AIDA: variants seen among roughly 807,000 people sequenced by gnomAD.
The protein encoded by AIDA is axin interactor, dorsalization associated, also known as axin interactor, dorsalization-associated protein.
AIDA carries 18 observed loss-of-function variants against 42.7 expected under a neutral mutation model. That is an observed-to-expected ratio of 0.42 (90% CI 0.29 to 0.63). The LOEUF is 0.63. AIDA is among the 20% of genes least tolerant of loss of function. The pLI, the probability that AIDA is intolerant of heterozygous loss-of-function variation, is 0.19. For missense variants in AIDA, 250 were observed against 354.1 expected (o/e 0.71, Z 2.36); for synonymous variants, 104 against 122.9 (o/e 0.85, Z 1.02).
At chr1:222,684,003 G>A (rs540578421) in intron 6 of AIDA, among the ~76,000 whole-genome samples, 43 of 151,924 alleles carry the variant, frequency 2.8e-4, no homozygotes, top group South Asian at 2.3e-3. Context: ...TGGTCATTCC[G>A]TATCTACATA....
intron 2 of AIDA, among the ~76,000 whole-genome samples, chr1:222,695,753 A>G (rs1316413952): frequency 6.6e-6 from 1 of 152,252 alleles, no homozygotes; most frequent in Non-Finnish European, 1.5e-5. Flanking sequence ...ATAAATCCAG[A>G]TCATAAAAGT....
At chr1:222,689,481 G>GTATATATATATATATA (rs1183093082) in intron 4 of AIDA, among the ~76,000 whole-genome samples, 2 of 35,364 alleles carry the variant, frequency 5.7e-5, no homozygotes, top group Non-Finnish European at 1.2e-4. Flanking sequence ...GTGTGTGTGT[G>GTATATATATATATATA]TATATATATA....
chr1:222,683,393 G>C (rs1472393547), intron 6 of AIDA, among the ~76,000 whole-genome samples: 3 of 152,152 alleles, frequency 2.0e-5, no homozygotes, highest in Admixed American at 1.3e-4. Flanking sequence ...TAAAATCCAT[G>C]CTTTCTTATC....
intron 1 of AIDA, among the ~76,000 whole-genome samples, chr1:222,708,636 AG>A (rs1655909420): frequency 6.6e-6 from 1 of 152,006 alleles, no homozygotes. Flanking sequence ...TCCCAGTGCT[AG>A]GATGACAGCC....
chr1:222,710,064 A>T (rs1027419548), intron 1 of AIDA, among the ~76,000 whole-genome samples: 20 of 152,318 alleles, frequency 1.3e-4, no homozygotes, highest in Admixed American at 7.2e-4. Context: ...CCAGTCAGTA[A>T]CTAAATCCTG....
At chr1:222,674,146 G>A (rs1664505153) in intron 7 of AIDA, among the ~76,000 whole-genome samples, 1 of 152,094 alleles carries the variant, frequency 6.6e-6, no homozygotes, top group South Asian at 2.1e-4. Flanking sequence ...ATTTCATAAG[G>A]ATGCTTGCAG....
intron 2 of AIDA, among the ~76,000 whole-genome samples, chr1:222,700,351 A>G (rs894021738): frequency 3.3e-5 from 5 of 152,242 alleles, no homozygotes; most frequent in African/African-American, 1.2e-4. Flanking sequence ...CATTTCATAC[A>G]TAAGAAAATT....
At chr1:222,682,910 A>G (rs1664678039) in intron 6 of AIDA, among the ~76,000 whole-genome samples, 1 of 152,242 alleles carries the variant, frequency 6.6e-6, no homozygotes, top group South Asian at 2.1e-4. Flanking sequence ...TTTGCATTGC[A>G]CATAGATAAC....
rs201602137 is a variant in AIDA, at chr1:222,691,309, GT to G, written c.289+2479del. Among the ~76,000 whole-genome samples the G allele has an allele frequency of 9.9e-3, 1,510 of 152,278 alleles. 27 individuals carry two copies. The highest frequency in any genetic ancestry group is 0.034 in the African/African-American group (1,421 of 41,548). On this transcript the variant is annotated intron_variant, in intron 4 of 9. Coordinates refer to ENST00000340020, the MANE Select transcript of AIDA (RefSeq NM_022831.4). ...CAGAAGTTTGATAAGCAAGGCAGAAGTGGCAGAAGATGAAAGTTAGAAGGTT... is the reference window on the plus strand; with the variant it reads ...CAGAAGTTTGATAAGCAAGGCAGAAGGGCAGAAGATGAAAGTTAGAAGGTT...
At chr1:222,711,079 G>A (rs1223770016) in intron 1 of AIDA, among the ~76,000 whole-genome samples, 3 of 145,104 alleles carry the variant, frequency 2.1e-5, no homozygotes, top group Non-Finnish European at 4.5e-5. Context: ...AAATCGTTGT[G>A]TGTCGGGGGC....
chr1:222,686,805 T>C (rs562538771), intron 6 of AIDA, 125 bp downstream of exon 6: 1 of 1,138,492 alleles, frequency 8.8e-7, no homozygotes, highest in South Asian at 1.6e-5. Context: ...CAATAAAATT[T>C]GCCTAAGATT....
intron 1 of AIDA, chr1:222,711,995 G>C: frequency 1.6e-6 from 1 of 627,540 alleles, no homozygotes; most frequent in Non-Finnish European, 2.7e-6. Context: ...CGGAGGCGGA[G>C]AGGGAAGAAG....
chr1:222,687,256 C>T (rs942300868), intron 5 of AIDA, among the ~76,000 whole-genome samples: 1 of 151,976 alleles, frequency 6.6e-6, no homozygotes, highest in South Asian at 2.1e-4. Context: ...ACGGTGAAAT[C>T]CCGTCTCTAC....
intron 4 of AIDA, 39 bp from the exon 5 acceptor site, chr1:222,687,697 A>C (rs770118991): frequency 1.5e-6 from 2 of 1,344,840 alleles, no homozygotes; most frequent in Non-Finnish European, 2.0e-6. Context: ...TTCTTCCATG[A>C]AGCAAAATCA....
At chr1:222,677,863 T>C (rs539729941) in intron 6 of AIDA, among the ~76,000 whole-genome samples, 13 of 152,304 alleles carry the variant, frequency 8.5e-5, no homozygotes, top group Non-Finnish European at 1.9e-4. Flanking sequence ...TCTAATATAT[T>C]ACTATTACCA....
intron 6 of AIDA, 107 bp from the exon 7 acceptor site, chr1:222,676,325 C>T (rs1664542487): frequency 7.7e-7 from 1 of 1,304,446 alleles, no homozygotes; most frequent in Non-Finnish European, 1.0e-6. Context: ...AGTAACTAGC[C>T]AGGCATTATT....
At chr1:222,672,210 A>G (rs1290591490) in intron 8 of AIDA, among the ~76,000 whole-genome samples, 3 of 152,140 alleles carry the variant, frequency 2.0e-5, no homozygotes, top group Non-Finnish European at 4.4e-5. Context: ...TTTATTATCT[A>G]GTGAGTCGAG....
At chr1:222,676,005 C>A in intron 7 of AIDA, 91 bp downstream of exon 7, 1 of 1,415,794 alleles carries the variant, frequency 7.1e-7, no homozygotes, top group Admixed American at 2.6e-5. Flanking sequence ...ACATAAGACT[C>A]CCCGCCCCAC....
chr1:222,680,893 G>A lies in AIDA; in HGVS notation c.461-4675C>T, dbSNP rs149492275. ...GGCAAGGATCTCATAATGCCTGCAT[G>A]TGAAATTACAAGACGTTTTTAGCAC... On this transcript the variant is annotated intron_variant, in intron 6 of 9. Coordinates refer to ENST00000340020, the MANE Select transcript of AIDA (RefSeq NM_022831.4). Among the ~76,000 whole-genome samples, 891 of 152,178 alleles carry A rather than the reference G, an allele frequency of 5.9e-3. 7 individuals are homozygous for A. The highest frequency in any genetic ancestry group is 9.4e-3 in the Non-Finnish European group (637 of 68,022).
Sources: gnomAD v4.1 joint callset for allele counts (sites outside exome capture counted in the v4.1 genomes callset) on GRCh38, gnomAD v4.1.1 for gene constraint, MANE v1.5 for transcripts, NCBI Gene and HGNC (gene_info 2026-07-23, HGNC 2026-07-21) for gene names.